Variants in ZNF804B observed in about 807,000 individuals in gnomAD.
ZNF804B encodes the protein zinc finger 804B.
In ZNF804B, 80 loss-of-function variants were observed where a neutral mutation model predicts 101.4. That is an observed-to-expected ratio of 0.79 (90% CI 0.66 to 0.95). The LOEUF (loss-of-function observed/expected upper bound fraction) is 0.95, where lower values mean the gene tolerates loss of function less well. Among genes scored for constraint, ZNF804B ranks in the 40% least tolerant of loss-of-function variants. The pLI, the probability that ZNF804B is intolerant of heterozygous loss-of-function variation, is 0.00. For synonymous variants in ZNF804B, 622 were observed against 558.8 expected, an observed-to-expected ratio of 1.11 and a Z score of -1.59; for missense variants, 1,673 against 1,561.9, an observed-to-expected ratio of 1.07 and a Z score of -1.20.
At chr7:89,222,805 T>G (rs896540475) in intron 2 of ZNF804B, among the ~76,000 whole-genome samples, 1 of 151,934 alleles carries the variant, frequency 6.6e-6, no homozygotes, top group African/African-American at 2.4e-5. Flanking sequence ...TAAAAATACC[T>G]TTTGCTTGAA....
rs1007662586 is a variant in ZNF804B at position 88,870,333 on chromosome 7, C to G, written c.108+110249C>G. Among the ~76,000 whole-genome samples, 3 of 134,240 alleles carry G rather than the reference C, an allele frequency of 2.2e-5. No individual in the cohort carries two copies. The Admixed American group carries it at 2.5e-4, about 11-fold the overall frequency. 88.1% of individuals were successfully genotyped at this position (134,240 alleles called of 152,430 possible). ...CCGGGAGGCGGAGCTTGCAGTGAGTCGAGATCGCGCCACTGCACTCCAGCC... is the reference window on the plus strand; with the variant it reads ...CCGGGAGGCGGAGCTTGCAGTGAGTGGAGATCGCGCCACTGCACTCCAGCC... On this transcript the variant is annotated intron_variant, in intron 1 of 3. Coordinates refer to ENST00000333190, the MANE Select transcript of ZNF804B (RefSeq NM_181646.5).
rs4727198 is a variant in ZNF804B, at chr7:89,165,703, G to A, written c.109-52452G>A. Among the ~76,000 whole-genome samples the A allele has an allele frequency of 2.3e-3, 348 of 152,186 alleles. 3 individuals are homozygous for A. Among genetic ancestry groups the A allele is most frequent in the Admixed American group, 0.018 (275 of 15,276 alleles). On this transcript the variant is annotated intron_variant, in intron 1 of 3. Transcript: ENST00000333190. ...CTTCAAACGGAAGATTTGGTTTAAAGAGTGTGATTATGAAGTACTGTATCT... is the reference window on the plus strand; with the variant it reads ...CTTCAAACGGAAGATTTGGTTTAAAAAGTGTGATTATGAAGTACTGTATCT...
intron 1 of ZNF804B, among the ~76,000 whole-genome samples, chr7:88,777,846 T>TA (rs3084379): frequency 0.27 from 28,831 of 107,410 alleles, 4,531 homozygotes; most frequent in East Asian, 0.44. Flanking sequence ...AGACTCCATC[T>TA]AAAAAAAAAA....
At chr7:89,195,616 G>A (rs1286411228) in intron 1 of ZNF804B, among the ~76,000 whole-genome samples, 1 of 151,354 alleles carries the variant, frequency 6.6e-6, no homozygotes, top group African/African-American at 2.4e-5. Context: ...AAAATACCTA[G>A]GAATCCAACT....
intron 1 of ZNF804B, among the ~76,000 whole-genome samples, chr7:88,988,238 A>G (rs1401059330): frequency 6.6e-6 from 1 of 152,048 alleles, no homozygotes; most frequent in African/African-American, 2.4e-5. Flanking sequence ...GGAGCTGTCT[A>G]TATCATGAAA....
intron 1 of ZNF804B, among the ~76,000 whole-genome samples, chr7:89,073,776 G>T (rs2116301703): frequency 6.6e-6 from 1 of 152,132 alleles, no homozygotes; most frequent in East Asian, 1.9e-4. Flanking sequence ...TTTGATCTGT[G>T]TTTAACTTCT....
At chr7:88,822,133 C>T (rs1790991566) in intron 1 of ZNF804B, among the ~76,000 whole-genome samples, 1 of 152,082 alleles carries the variant, frequency 6.6e-6, no homozygotes, top group Admixed American at 6.6e-5. Context: ...CTTTTTATCA[C>T]AGTGATTTTC....
At chr7:89,282,402 GT>G (rs1407000756) in intron 2 of ZNF804B, among the ~76,000 whole-genome samples, 4 of 151,904 alleles carry the variant, frequency 2.6e-5, no homozygotes, top group African/African-American at 9.7e-5. Flanking sequence ...CCAAGGACAG[GT>G]AATTTAAAAA....
Position 89,284,939 on chromosome 7 carries a change from C to T in ZNF804B, c.250-42405C>T, listed in dbSNP as rs73401104. Among the ~76,000 whole-genome samples, 633 of 152,164 alleles carry T rather than the reference C, an allele frequency of 4.2e-3. 1 individual carries two copies. Among genetic ancestry groups the T allele is most frequent in the African/African-American group, 0.014 (591 of 41,516 alleles). On this transcript the variant is annotated intron_variant, in intron 2 of 3. Transcript: ENST00000333190. ...GGAGGCAGGGCATGGCAGCTCATAC[C>T]TGTAATCTCAGCACTTTGAGAGGCG...
In ZNF804B at chr7:89,165,741, G is replaced by T. The variant is rs185588826; in HGVS notation, c.109-52414G>T. On this transcript the variant is annotated intron_variant, in intron 1 of 3. Transcript: ENST00000333190. ...AAGTACTGTATCTAGTTTAGACTCC[G>T]GGAACCAGAATTAAAAGGCAACTTC... Among the ~76,000 whole-genome samples, 222 of 152,058 alleles carry T rather than the reference G, an allele frequency of 1.5e-3. 1 individual carries two copies. Among genetic ancestry groups the T allele is most frequent in the African/African-American group, 4.9e-3 (204 of 41,514 alleles).
At chr7:88,827,941 T>C (rs1054622041) in intron 1 of ZNF804B, among the ~76,000 whole-genome samples, 2 of 152,188 alleles carry the variant, frequency 1.3e-5, no homozygotes, top group African/African-American at 4.8e-5. Context: ...TTTCTATCTC[T>C]GCTGCATGAT....
chr7:88,798,237 T>A (rs1256184532), intron 1 of ZNF804B, among the ~76,000 whole-genome samples: 1 of 152,108 alleles, frequency 6.6e-6, no homozygotes, highest in Non-Finnish European at 1.5e-5. Flanking sequence ...TTTCTCACCA[T>A]GTGTGCTTTT....
At chr7:88,860,894 C>T (rs1791635071) in intron 1 of ZNF804B, among the ~76,000 whole-genome samples, 1 of 152,084 alleles carries the variant, frequency 6.6e-6, no homozygotes, top group Non-Finnish European at 1.5e-5. Flanking sequence ...AGTAGTGTTG[C>T]TTTGAATGGT....
intron 1 of ZNF804B, among the ~76,000 whole-genome samples, chr7:88,828,418 C>T (rs1199604064): frequency 6.6e-6 from 1 of 151,924 alleles, no homozygotes; most frequent in Non-Finnish European, 1.5e-5. Context: ...GAGTCCTTGA[C>T]ATGTTCATGC....
chr7:89,113,097 T>C (rs1324158507), intron 1 of ZNF804B, among the ~76,000 whole-genome samples: 1 of 152,142 alleles, frequency 6.6e-6, no homozygotes, highest in South Asian at 2.1e-4. Context: ...TCAGTGTGAA[T>C]ATAGAAGAAG....
intron 2 of ZNF804B, among the ~76,000 whole-genome samples, chr7:89,312,025 A>G (rs1790655737): frequency 6.6e-6 from 1 of 152,168 alleles, no homozygotes; most frequent in South Asian, 2.1e-4. Flanking sequence ...AGAGCTACCC[A>G]TTTGCCATTT....
At chr7:88,855,983 T>A (rs1791550856) in intron 1 of ZNF804B, among the ~76,000 whole-genome samples, 1 of 152,314 alleles carries the variant, frequency 6.6e-6, no homozygotes, top group African/African-American at 2.4e-5. Flanking sequence ...TTGGTACCAG[T>A]ACCATGCTGT....
At chr7:89,172,663 G>A (rs181230798) in intron 1 of ZNF804B, among the ~76,000 whole-genome samples, 2 of 152,106 alleles carry the variant, frequency 1.3e-5, no homozygotes, top group East Asian at 3.9e-4. Flanking sequence ...TTGAAATATA[G>A]GTATTTATAA....
chr7:89,138,740 GT>G (rs937572688), intron 1 of ZNF804B, among the ~76,000 whole-genome samples: 1 of 152,044 alleles, frequency 6.6e-6, no homozygotes, highest in African/African-American at 2.4e-5. Context: ...TTCCCGTGCT[GT>G]TCTTGTGATA....
Sources: allele counts gnomAD v4.1 joint callset (sites outside exome capture counted in the v4.1 genomes callset), GRCh38; gene constraint gnomAD v4.1.1; transcripts MANE v1.5; gene names NCBI Gene and HGNC (gene_info 2026-07-23, HGNC 2026-07-21).